MTM1: variants seen among roughly 807,000 people sequenced by gnomAD.
MTM1 encodes myotubularin.
A neutral mutation model predicts 52.1 loss-of-function variants in MTM1; 9 were observed. The observed-to-expected ratio is 0.17, with a 90% confidence interval of 0.10 to 0.30. The LOEUF is 0.30. Among genes scored for constraint, MTM1 ranks in the 10% least tolerant of loss-of-function variants. The pLI is 1.00. For synonymous variants in MTM1, 136 were observed against 163.8 expected (o/e 0.83, Z 1.29); for missense variants, 277 against 470.7 (o/e 0.59, Z 3.81).
intron 1 of MTM1, among the ~76,000 whole-genome samples, chrX:150,588,452 C>T (rs990399863): frequency 4.5e-5 from 5 of 112,271 alleles, no homozygotes; most frequent in Non-Finnish European, 9.4e-5. Context: ...TTTTCTAGTT[C>T]TGCTGCTTTT....
chrX:150,650,114 A>G (rs1401216192), intron 10 of MTM1, among the ~76,000 whole-genome samples: 1 of 112,011 alleles, frequency 8.9e-6, no homozygotes, highest in East Asian at 2.8e-4. Context: ...AGAGTTTGCA[A>G]AGACATCTCT....
At chrX:150,647,566 C>T (rs958398255) in intron 9 of MTM1, among the ~76,000 whole-genome samples, 2 of 111,855 alleles carry the variant, frequency 1.8e-5, no homozygotes, top group South Asian at 3.7e-4. Context: ...TTTACATCAT[C>T]GTCCTAGGTA....
intron 1 of MTM1, among the ~76,000 whole-genome samples, chrX:150,577,093 A>G (rs1483675940): frequency 1.8e-5 from 2 of 112,294 alleles, no homozygotes; most frequent in Non-Finnish European, 3.8e-5. Context: ...GGCTTCTTTC[A>G]CTTAGCATAC....
At chrX:150,632,364 G>A (rs1239197205) in intron 6 of MTM1, among the ~76,000 whole-genome samples, 1 of 111,989 alleles carries the variant, frequency 8.9e-6, no homozygotes, top group African/African-American at 3.2e-5. Flanking sequence ...GGAGCACAGC[G>A]TGCATGTGGG....
intron 14 of MTM1, among the ~76,000 whole-genome samples, chrX:150,665,147 T>C (rs1557414872): frequency 8.9e-6 from 1 of 112,182 alleles, no homozygotes; most frequent in African/African-American, 3.2e-5. Flanking sequence ...TTATGATCTA[T>C]TGGCATGAAT....
At position 150,672,254 on chromosome X, in the gene MTM1, G is replaced by C. The variant is rs1207305078; in HGVS notation, c.*659G>C. The C allele has an allele frequency of 8.9e-6, 1 of 112,193 alleles. No individual in the cohort carries two copies. The highest frequency in any genetic ancestry group is 3.2e-5 in the African/African-American group (1 of 30,841). The allele number at this position is 112,193 out of a possible 1,213,427, so 9.2% of individuals were successfully genotyped here. On this transcript the variant is annotated 3_prime_UTR_variant, in exon 15 of 15. Transcript: ENST00000370396. The stretch of plus-strand genomic sequence containing the variant: ...ATTTTTAAAAAACTGACAGGGCCCA[G>C]TTAAATATGATTTGCATTTTTTAAA...
chrX:150,583,385 TATAA>T (rs1569565320), intron 1 of MTM1, among the ~76,000 whole-genome samples: 6 of 11,494 alleles, frequency 5.2e-4, no homozygotes, highest in African/African-American at 2.7e-3. Flanking sequence ...TTATATATAA[TATAA>T]TATATATAAA....
intron 4 of MTM1, among the ~76,000 whole-genome samples, chrX:150,601,175 C>T (rs1466034950): frequency 9.0e-6 from 1 of 111,479 alleles, no homozygotes; most frequent in Non-Finnish European, 1.9e-5. Flanking sequence ...GGAGTTAGTG[C>T]TGAGTGGGTG....
At chrX:150,660,333 C>G in intron 12 of MTM1, 38 bp from the exon 13 acceptor site, 1 of 848,987 alleles carries the variant, frequency 1.2e-6, no homozygotes, top group South Asian at 2.0e-5. Flanking sequence ...AAGTTTCAGT[C>G]CCAGTTTTTC....
rs1026733023 is a variant in MTM1, at chrX:150,642,828, G to C, written c.678+1410G>C. On this transcript the variant is annotated intron_variant, in intron 8 of 14. Coordinates refer to ENST00000370396, the MANE Select transcript of MTM1 (RefSeq NM_000252.3). ...GAAACAGAGAAAATTGAACAACTGT[G>C]CCCTTTCTACCATGCTTGGTTGCCA... Among the ~76,000 whole-genome samples the C allele has an allele frequency of 6.0e-4, 67 of 111,786 alleles. 1 individual carries two copies. Among genetic ancestry groups the C allele is most frequent in the African/African-American group, 2.1e-3 (65 of 30,751 alleles).
At chrX:150,613,623 A>T (rs980322911) in intron 4 of MTM1, among the ~76,000 whole-genome samples, 6 of 111,837 alleles carry the variant, frequency 5.4e-5, no homozygotes, top group African/African-American at 2.0e-4. Context: ...ATACTTACTA[A>T]ACAAGTTATT....
chrX:150,567,435 T>C (rs782491057), upstream of MTM1, among the ~76,000 whole-genome samples: 21 of 111,852 alleles, frequency 1.9e-4, no homozygotes, highest in African/African-American at 6.5e-4. Flanking sequence ...AACTAACACA[T>C]ACAAGAGAAA....
intron 8 of MTM1, among the ~76,000 whole-genome samples, chrX:150,641,859 AC>A (rs1486183382): frequency 9.0e-6 from 1 of 111,495 alleles, no homozygotes; most frequent in African/African-American, 3.3e-5. Flanking sequence ...CCACGAGCTC[AC>A]CCCCATCACC....
At chrX:150,658,190 T>C (rs1254453389) in intron 11 of MTM1, among the ~76,000 whole-genome samples, 163 bp downstream of exon 11, 12 of 112,316 alleles carry the variant, frequency 1.1e-4, no homozygotes, top group Non-Finnish European at 1.9e-4. Flanking sequence ...AAAGTCTTTT[T>C]AAGAGATATG....
At chrX:150,650,467 A>G (rs186114567) in intron 10 of MTM1, among the ~76,000 whole-genome samples, 1 of 111,723 alleles carries the variant, frequency 9.0e-6, no homozygotes, top group Non-Finnish European at 1.9e-5. Flanking sequence ...GCTTTAATGT[A>G]TAGGTGAATT....
intron 6 of MTM1, among the ~76,000 whole-genome samples, chrX:150,623,847 G>C (rs1045548737): frequency 9.0e-6 from 1 of 111,453 alleles, no homozygotes; most frequent in Non-Finnish European, 1.9e-5. Context: ...GCTTGAAAAA[G>C]ATCACTTTGT....
intron 7 of MTM1, among the ~76,000 whole-genome samples, chrX:150,639,768 A>C (rs1303341875): frequency 8.9e-6 from 1 of 112,284 alleles, no homozygotes; most frequent in Non-Finnish European, 1.9e-5. Context: ...CAAAGCTCTT[A>C]AGATAATTGA....
At chrX:150,605,908 G>A (rs2039148145) in intron 4 of MTM1, among the ~76,000 whole-genome samples, 1 of 110,227 alleles carries the variant, frequency 9.1e-6, no homozygotes, top group African/African-American at 3.3e-5. Context: ...TTCAGTGTGA[G>A]CATTTCAAAG....
chrX:150,633,857 C>T (rs1557413640), intron 6 of MTM1, among the ~76,000 whole-genome samples: 2 of 111,795 alleles, frequency 1.8e-5, no homozygotes, highest in Admixed American at 1.9e-4. Context: ...CATGGTGAAA[C>T]CCTGTGTCTA....
Sources: gnomAD v4.1 joint callset for allele counts (sites outside exome capture counted in the v4.1 genomes callset) on GRCh38, gnomAD v4.1.1 for gene constraint, MANE v1.5 for transcripts, NCBI Gene and HGNC (gene_info 2026-07-23, HGNC 2026-07-21) for gene names.